Variants in GRIK3 observed in about 807,000 individuals in gnomAD.
GRIK3 encodes glutamate receptor ionotropic, kainate 3.
Under a neutral mutation model 102.5 loss-of-function variants are expected in GRIK3, and 29 were observed. That is an observed-to-expected ratio of 0.28 (90% CI 0.21 to 0.39). The LOEUF is 0.39. GRIK3 is among the 10% of genes least tolerant of loss of function. The pLI, the probability that GRIK3 is intolerant of heterozygous loss-of-function variation, is 1.00. For missense variants in GRIK3, 908 were observed against 1,252.4 expected (o/e 0.73, Z 4.15); for synonymous variants, 511 against 504.9 (o/e 1.01, Z -0.16).
rs1288557185 is a variant in GRIK3 at position 36,859,305 on chromosome 1, C to T, written c.961-54G>A. 3.2e-6 allele frequency: 5 copies of T among 1,544,708 alleles called. No homozygotes were observed. In the African/African-American group the frequency reaches 4.1e-5, roughly 13 times the overall value. ...CTCCCAAGGCCCTCCAGTCCTCAGCCCACCCTGCCCTGTCCCCCTTCTCCT... is the reference window on the plus strand; with the variant it reads ...CTCCCAAGGCCCTCCAGTCCTCAGCTCACCCTGCCCTGTCCCCCTTCTCCT... On this transcript the variant is annotated intron_variant, in intron 6 of 15. Transcript: ENST00000373091.
At chr1:36,871,304 C>T (rs1004521851) in intron 4 of GRIK3, among the ~76,000 whole-genome samples, 5 of 152,166 alleles carry the variant, frequency 3.3e-5, no homozygotes, top group African/African-American at 7.2e-5. Context: ...CTGGCACCCC[C>T]GATGGGGCCC....
chr1:36,915,273 T>C (rs1234510959), intron 1 of GRIK3, among the ~76,000 whole-genome samples: 1 of 152,198 alleles, frequency 6.6e-6, no homozygotes, highest in Non-Finnish European at 1.5e-5. Flanking sequence ...CTGTCTAGTG[T>C]ACAGTCCACC....
intron 1 of GRIK3, among the ~76,000 whole-genome samples, chr1:37,019,496 T>C (rs941761708): frequency 2.6e-5 from 4 of 152,190 alleles, no homozygotes; most frequent in African/African-American, 9.7e-5. Flanking sequence ...GTCTAAACTG[T>C]ACATACTGAA....
chr1:36,805,237 C>T lies in GRIK3; in HGVS notation c.2315G>A (p.Gly772Asp), dbSNP rs1642486130. 1 of 1,605,458 alleles carries T rather than the reference C, an allele frequency of 6.2e-7. No individual in the cohort carries two copies. The highest frequency in any genetic ancestry group is 1.1e-5 in the South Asian group (1 of 89,742). The change falls in exon 15 of 16, where the codon GGC becomes GAC. Residue 772 changes from glycine to aspartate, a missense_variant and splice_region_variant. Physicochemically the swap from Gly to Asp is moderately conservative, Grantham distance 94. Coordinates refer to ENST00000373091, the MANE Select transcript of GRIK3 (RefSeq NM_000831.4). ...GGTGATCTTGTCCCGGTATGGGGAG[C>T]CTGAGCAGGGAGAAGGGACCCCTAG... ...SKGYGIGTPM[G>D]SPYRDKITIA...
chr1:36,887,770 AAAT>A (rs60676000), intron 2 of GRIK3, among the ~76,000 whole-genome samples: 6,519 of 107,896 alleles, frequency 0.06, 311 homozygotes, highest in African/African-American at 0.2. Context: ...AAAAAAAAAA[AAAT>A]ATATATATAT....
chr1:36,938,231 C>T (rs1641680821), intron 1 of GRIK3, among the ~76,000 whole-genome samples: 1 of 152,158 alleles, frequency 6.6e-6, no homozygotes, highest in Non-Finnish European at 1.5e-5. Context: ...TGGCACCATA[C>T]CCTGGGTCCA....
chr1:36,827,159 C>A lies in GRIK3; in HGVS notation c.1531-1333G>T, dbSNP rs964243994. Among the ~76,000 whole-genome samples the A allele has an allele frequency of 7.2e-5, 11 of 152,280 alleles. No individual in the cohort carries two copies. The South Asian group carries it at 1.0e-3, about 14-fold the overall frequency. ...CTTGAATGGCAGTCTGTGCTCCATG[C>A]GACCTTGTGTCTGATCTGCTTATTT... On this transcript the variant is annotated intron_variant, in intron 10 of 15. Coordinates refer to ENST00000373091, the MANE Select transcript of GRIK3 (RefSeq NM_000831.4).
At position 36,872,401 on chromosome 1, in the gene GRIK3, T is replaced by A. The variant is rs200931920; in HGVS notation, c.551-32A>T. ...GGCCATGGAGCACAAAAGACACACG[T>A]GTACCACATGTATCCACAGCTCCAG... On this transcript the variant is annotated intron_variant, in intron 3 of 15. Transcript: ENST00000373091. This position sits in a 1 kb window ranked among gnomAD's most constrained non-coding sequence, Gnocchi z 5.9. 1.3e-6 allele frequency: 2 copies of A among 1,505,432 alleles called. No individual in the cohort carries two copies. The highest frequency in any genetic ancestry group is 2.0e-5 in the Admixed American group (1 of 50,426). 93.3% of individuals were successfully genotyped at this position (1,505,432 alleles called of 1,614,324 possible). A position where few individuals can be genotyped will look rare whatever the true frequency, so the allele number is the denominator to read the frequency against.
intron 2 of GRIK3, among the ~76,000 whole-genome samples, chr1:36,883,157 TA>T (rs942216366): frequency 6.6e-6 from 1 of 152,192 alleles, no homozygotes; most frequent in African/African-American, 2.4e-5. Context: ...GGCCAGAGTA[TA>T]AGTGGAAGCC....
chr1:37,006,108 G>A (rs1409964463), intron 1 of GRIK3, among the ~76,000 whole-genome samples: 2 of 152,162 alleles, frequency 1.3e-5, no homozygotes, highest in Admixed American at 6.5e-5. Context: ...GACTCAAGGA[G>A]GCCTGGTGCT....
chr1:36,812,620 T>A (rs771299358), intron 13 of GRIK3, among the ~76,000 whole-genome samples: 3 of 145,334 alleles, frequency 2.1e-5, no homozygotes, highest in South Asian at 4.3e-4. Flanking sequence ...CCCTGACAAC[T>A]CTTCAAATGA....
rs868410953 is a variant in GRIK3, at chr1:37,006,662, C to G, written c.115+27332G>C. Among the ~76,000 whole-genome samples, 39 of 152,336 alleles carry G rather than the reference C, an allele frequency of 2.6e-4. 1 individual carries two copies. The Middle Eastern group carries it at 0.014, about 53-fold the overall frequency. On this transcript the variant is annotated intron_variant, in intron 1 of 15. Coordinates refer to ENST00000373091, the MANE Select transcript of GRIK3 (RefSeq NM_000831.4). Reference sequence around the variant, plus strand: ...GGGCAGTCTCCATGCAAACCAGGCACGTGGGCTAGACATCAGAGCAGGAGC... The same window carrying G: ...GGGCAGTCTCCATGCAAACCAGGCAGGTGGGCTAGACATCAGAGCAGGAGC...
intron 8 of GRIK3, among the ~76,000 whole-genome samples, chr1:36,852,896 T>C (rs60430207): frequency 9.0e-4 from 137 of 152,302 alleles, no homozygotes; most frequent in African/African-American, 3.2e-3. Flanking sequence ...AAATCTCCCT[T>C]CTTGGCCCAG....
intron 2 of GRIK3, among the ~76,000 whole-genome samples, chr1:36,888,237 C>T (rs553997875): frequency 2.9e-4 from 44 of 152,216 alleles, no homozygotes; most frequent in African/African-American, 1.0e-3. Flanking sequence ...TATTCAACCA[C>T]GTAGACAATC....
chr1:36,870,515 C>A (rs1300690248), intron 4 of GRIK3, among the ~76,000 whole-genome samples: 1 of 152,242 alleles, frequency 6.6e-6, no homozygotes, highest in Non-Finnish European at 1.5e-5. Flanking sequence ...GAAAATGTCA[C>A]CGGTTCAAGT....
chr1:37,030,927 C>G (rs775629651), intron 1 of GRIK3, among the ~76,000 whole-genome samples: 4 of 152,140 alleles, frequency 2.6e-5, no homozygotes, highest in African/African-American at 9.7e-5. Flanking sequence ...AATGGCCCAA[C>G]AAACTGGTGG....
intron 1 of GRIK3, among the ~76,000 whole-genome samples, chr1:37,009,295 TTC>T (rs1227809478): frequency 6.6e-6 from 1 of 152,180 alleles, no homozygotes; most frequent in Non-Finnish European, 1.5e-5. Context: ...CTTGTGATTT[TTC>T]TCTTCTGATG....
At chr1:36,964,042 C>G (rs7528302) in intron 1 of GRIK3, among the ~76,000 whole-genome samples, 16,806 of 152,268 alleles carry the variant, frequency 0.11, 1,151 homozygotes, top group African/African-American at 0.2. Flanking sequence ...CCACCGTGGT[C>G]ATGAAGACCC....
At chr1:36,915,998 G>A (rs1641395049) in intron 1 of GRIK3, among the ~76,000 whole-genome samples, 4 of 152,208 alleles carry the variant, frequency 2.6e-5, no homozygotes, top group Admixed American at 2.6e-4. Context: ...ACAGGAAAAT[G>A]TGGGAAGTTT....
Sources: gnomAD v4.1 joint callset for allele counts (sites outside exome capture counted in the v4.1 genomes callset) on GRCh38, gnomAD v4.1.1 for gene constraint, Gnocchi (gnomAD v3.1) non-coding constraint, MANE v1.5 for transcripts, NCBI Gene and HGNC (gene_info 2026-07-23, HGNC 2026-07-21) for gene names.